COL16A1: variants seen among roughly 807,000 people sequenced by gnomAD.
COL16A1 encodes collagen alpha-1(XVI) chain.
Under a neutral mutation model 266.3 loss-of-function variants are expected in COL16A1, and 189 were observed. The ratio of observed to expected loss-of-function variants is 0.71; its 90% CI spans 0.63 to 0.80. The LOEUF is 0.80. Among genes scored for constraint, COL16A1 ranks in the 30% least tolerant of loss-of-function variants. The pLI is 0.00. For synonymous variants in COL16A1, 740 were observed against 782.3 expected, an observed-to-expected ratio of 0.95 and a Z score of 0.90; for missense variants, 1,928 against 2,122.4, an observed-to-expected ratio of 0.91 and a Z score of 1.80.
At chr1:31,677,393 C>A (rs1236836367) in intron 42 of COL16A1, among the ~76,000 whole-genome samples, 1 of 152,230 alleles carries the variant, frequency 6.6e-6, no homozygotes, top group Non-Finnish European at 1.5e-5. Flanking sequence ...CTGGCCCGAA[C>A]ATGTTAATTA....
intron 48 of COL16A1, 125 bp downstream of exon 48, chr1:31,671,490 G>T: frequency 8.6e-7 from 1 of 1,162,054 alleles, no homozygotes; most frequent in East Asian, 2.5e-5. Flanking sequence ...GGGATGGGGA[G>T]GGCAGTGGAA....
intron 30 of COL16A1, 55 bp from the exon 31 acceptor site, chr1:31,684,685 C>T (rs925063893): frequency 3.7e-6 from 6 of 1,606,610 alleles, no homozygotes; most frequent in Admixed American, 1.7e-5. Flanking sequence ...GGGCAGGTTG[C>T]CCCCCTGGGA....
chr1:31,696,878 C>G (rs768421408), intron 8 of COL16A1, 85 bp downstream of exon 8: 200 of 1,590,198 alleles, frequency 1.3e-4, no homozygotes, highest in Non-Finnish European at 1.6e-4. Context: ...CCAACTGACC[C>G]TGGTGGCAGA....
In COL16A1 at chr1:31,680,402, G is replaced by A. The variant is rs976723578; in HGVS notation, c.2611-301C>T. On this transcript the variant is annotated intron_variant, in intron 39 of 70. Coordinates refer to ENST00000373672, the MANE Select transcript of COL16A1 (RefSeq NM_001856.4). ...AAACGATGGTCCTGCTGTTACAGTC[G>A]TCAGTTATAACCTTCTCTGCTGCCA... 5.3e-5 allele frequency among the ~76,000 whole-genome samples: 8 copies of A among 152,138 alleles called. No homozygotes were observed. The South Asian group carries it at 1.5e-3, about 28-fold the overall frequency.
rs1335838185 is a variant in COL16A1 at position 31,680,102 on chromosome 1, C to G, written c.2611-1G>C. The G allele has an allele frequency of 1.3e-5, 21 of 1,612,994 alleles. 1 individual carries two copies. The stretch of plus-strand genomic sequence containing the variant: ...GGCAGGAGCACTCCCCTGGCTCACC[C>G]TGAAAATACAAGAGCCTTTGTGAGA... On this transcript the variant is annotated splice_acceptor_variant, in intron 39 of 70. Transcript: ENST00000373672. LOFTEE classifies it high-confidence loss of function.
Position 31,695,186 on chromosome 1 carries a change from A to G in COL16A1, c.981T>C (p.Asn327=), listed in dbSNP as rs1156674165. Residue 327 remains asparagine, a splice_region_variant and synonymous_variant, in exon 11 of 71, where the codon AAT becomes AAC. Transcript: ENST00000373672. ...PPCVHGARDS[N]VTLAPSGPKG... ...CCCTGCACACCCTCCATTCACTCAC[A>G]TTGCTGTCCCGGGCACCATGGACAC... is the stretch of plus-strand genomic sequence containing the variant. 2.5e-6 allele frequency: 4 copies of G among 1,613,782 alleles called. No homozygotes were observed. In the East Asian group the frequency reaches 6.7e-5, roughly 27 times the overall value.
intron 26 of COL16A1, among the ~76,000 whole-genome samples, chr1:31,687,246 G>A (rs1644024087): frequency 1.3e-5 from 2 of 151,992 alleles, no homozygotes; most frequent in South Asian, 4.1e-4. Flanking sequence ...GCTGAGTGTG[G>A]TGGTGCACGC....
rs1196355141 is a variant in COL16A1 at position 31,672,575 on chromosome 1, G to C, written c.3018+21C>G. On this transcript the variant is annotated intron_variant, in intron 46 of 70. Transcript: ENST00000373672. ...TGTGGGGCATGGGGCATGATCGGGG[G>C]AGATAAGGCGAGGCACTCACCCGGG... 5.0e-6 allele frequency: 8 copies of C among 1,609,970 alleles called. No individual in the cohort carries two copies. The East Asian group carries it at 1.1e-4, about 22-fold the overall frequency.
In COL16A1 at chr1:31,684,009, A is replaced by G. The variant is rs1332655588; in HGVS notation, c.2284-6T>C. The G allele has an allele frequency of 3.7e-6, 6 of 1,614,064 alleles. No homozygotes were observed. Among genetic ancestry groups the G allele is most frequent in the Non-Finnish European group, 5.1e-6 (6 of 1,180,022 alleles). On this transcript the variant is annotated splice_region_variant and splice_polypyrimidine_tract_variant and intron_variant, in intron 32 of 70. Transcript: ENST00000373672. ...CCTGGTAGACCGGGTTGGCCCTAAA[A>G]GGCATAAGGTGGCCCATGGAGTCCC... is the stretch of plus-strand genomic sequence containing the variant.
intron 39 of COL16A1, 108 bp from the exon 40 acceptor site, chr1:31,680,209 A>G (rs1643527066): frequency 1.3e-6 from 2 of 1,486,206 alleles, no homozygotes; most frequent in South Asian, 1.3e-5. Context: ...CAGGGTTTCA[A>G]TCCAGGATCT....
chr1:31,683,969 G>T lies in COL16A1; in HGVS notation c.2318C>A (p.Pro773Gln). 6.2e-7 allele frequency: 1 copy of T among 1,614,156 alleles called. No individual in the cohort carries two copies. The highest frequency in any genetic ancestry group is 8.5e-7 in the Non-Finnish European group (1 of 1,180,012). Residue 773 changes from proline to glutamine, a missense_variant, in exon 33 of 71, where the codon CCA becomes CAA. This residue lies in a region of COL16A1 where 1,552 missense variants were observed against 1,637.2 expected (regional missense o/e 0.95). Transcript: ENST00000373672. ...QPGLPGVQGP[P>Q]GLKGVQGEPG... Reference sequence around the variant, plus strand: ...ACATACCTGCACGCCCTTCAGTCCTGGGGGCCCTTGAACTCCTGGTAGACC... The same window carrying T: ...ACATACCTGCACGCCCTTCAGTCCTTGGGGCCCTTGAACTCCTGGTAGACC...
intron 60 of COL16A1, 55 bp from the exon 61 acceptor site, chr1:31,661,174 C>A: frequency 6.5e-7 from 1 of 1,541,590 alleles, no homozygotes; most frequent in Non-Finnish European, 8.8e-7. Context: ...ACATCCCTAC[C>A]CCAAGTCAAC....
At chr1:31,689,237 G>C in intron 23 of COL16A1, 152 bp from the exon 24 acceptor site, 2 of 1,282,662 alleles carry the variant, frequency 1.6e-6, no homozygotes, top group South Asian at 3.0e-5. Context: ...CCAGAGGCAG[G>C]GTTCATCAAC....
rs538878495 is a variant in COL16A1 at position 31,684,398 on chromosome 1, T to C, written c.2160+125A>G. 1,698 of 1,502,154 alleles carry C rather than the reference T, an allele frequency of 1.1e-3. 2 individuals are homozygous for C. The highest frequency in any genetic ancestry group is 1.5e-3 in the Non-Finnish European group (1,642 of 1,128,936). The allele number at this position is 1,502,154 out of a possible 1,614,324, so 93.1% of individuals were successfully genotyped here. On this transcript the variant is annotated intron_variant, in intron 31 of 70. Coordinates refer to ENST00000373672, the MANE Select transcript of COL16A1 (RefSeq NM_001856.4). ...AGCAGAGGAGAAGCCCCGAGGAGCC[T>C]CCGCTCAGTGACTCTGACAGCCGTT...
chr1:31,654,924 T>C, intron 67 of COL16A1, 66 bp from the exon 68 acceptor site: 1 of 1,550,232 alleles, frequency 6.5e-7, no homozygotes, highest in Non-Finnish European at 8.7e-7. Flanking sequence ...CCTATGGAAA[T>C]AAAGGATGGG....
chr1:31,665,707 C>T (rs1350425686), intron 54 of COL16A1, 89 bp from the exon 55 acceptor site: 1 of 1,592,726 alleles, frequency 6.3e-7, no homozygotes, highest in East Asian at 2.2e-5. Context: ...GGGGGGCACC[C>T]TCAAACCCAT....
intron 67 of COL16A1, 89 bp from the exon 68 acceptor site, chr1:31,654,947 G>A: frequency 7.3e-7 from 1 of 1,361,830 alleles, no homozygotes; most frequent in Non-Finnish European, 1.0e-6. Context: ...GGAAGGCAAA[G>A]GTCCCAGGAG....
In COL16A1 at chr1:31,665,195, G is replaced by A. The variant is rs754717999; in HGVS notation, c.3532C>T (p.Pro1178Ser). The A allele has an allele frequency of 3.1e-6, 5 of 1,603,438 alleles. No individual in the cohort carries two copies. In the South Asian group the frequency reaches 4.5e-5, roughly 14 times the overall value. ...ACCTTCTCTGCTTGAGGGCCAGGTG[G>A]GCCAGGTGATCCAACTTTGCCTGGG... ...GFPGKVGSPG[P>S]PGPQAEKGSE... Residue 1178 changes from proline (P) to serine (S), a missense_variant, in exon 56 of 71, where the codon CCA becomes TCA. By Grantham distance (74) the Pro-to-Ser change is moderately conservative (BLOSUM62 -1). Around this residue, in one of 2 missense-constraint regions of COL16A1, gnomAD observed 1,552 missense variants for 1,637.2 expected, o/e 0.95. Transcript: ENST00000373672.
In COL16A1 at chr1:31,670,199, G is replaced by A. The variant is rs745942354; in HGVS notation, c.3195+403C>T. 1.1e-4 allele frequency: 21 copies of A among 193,368 alleles called. No individual in the cohort carries two copies. The highest frequency in any genetic ancestry group is 2.2e-4 in the Non-Finnish European group (21 of 95,534). The allele number at this position is 193,368 out of a possible 1,614,324, so 12.0% of individuals were successfully genotyped here. On this transcript the variant is annotated intron_variant, in intron 49 of 70. Coordinates refer to ENST00000373672, the MANE Select transcript of COL16A1 (RefSeq NM_001856.4). This position sits in a 1 kb window ranked among gnomAD's most constrained non-coding sequence, Gnocchi z 4.5. ...TACTTTCAGCAAATCTTCAGGCAAC[G>A]CCGAAGGTGGTGAGAAGCAGGAGGC...
Sources: allele counts gnomAD v4.1 joint callset (sites outside exome capture counted in the v4.1 genomes callset), GRCh38; gene constraint gnomAD v4.1.1; regional missense constraint gnomAD v4.1.1; non-coding constraint Gnocchi (gnomAD v3.1); transcripts MANE v1.5; gene names NCBI Gene and HGNC (gene_info 2026-07-23, HGNC 2026-07-21).